SHROOM3: variants seen among roughly 807,000 people sequenced by gnomAD.
SHROOM3 encodes the protein protein Shroom3.
In SHROOM3, 47 loss-of-function variants were observed where a neutral mutation model predicts 138.6. That is an observed-to-expected ratio of 0.34 (90% CI 0.27 to 0.43). The LOEUF (loss-of-function observed/expected upper bound fraction) is 0.43, where lower values mean the gene tolerates loss of function less well. Ranked by LOEUF, SHROOM3 falls within the 20% of genes least tolerant of loss-of-function variation. The probability of loss-of-function intolerance (pLI) is 1.00; values close to 1 mark genes in which losing one functional copy is unlikely to be tolerated. For missense variants in SHROOM3, 2,491 were observed against 2,596.5 expected (o/e 0.96, Z 0.88); for synonymous variants, 1,062 against 1,063.3 (o/e 1.00, Z 0.02).
chr4:76,671,879 C>T (rs1416115633), intron 2 of SHROOM3, among the ~76,000 whole-genome samples: 1 of 151,880 alleles, frequency 6.6e-6, no homozygotes, highest in Non-Finnish European at 1.5e-5. Flanking sequence ...ATATATTTAC[C>T]AGCTGAGCAT....
In SHROOM3 at chr4:76,740,115, G is replaced by C. The variant is rs1298821811; in HGVS notation, c.1942G>C (p.Gly648Arg). The C allele has an allele frequency of 6.2e-7, 1 of 1,613,800 alleles. No individual in the cohort carries two copies. Among genetic ancestry groups the C allele is most frequent in the Non-Finnish European group, 8.5e-7 (1 of 1,180,036 alleles). The change falls in exon 5 of 11, where the codon GGC (glycine) becomes CGC (arginine). Residue 648 changes from glycine (G) to arginine (R), a missense_variant. Around this residue, in one of 4 missense-constraint regions of SHROOM3, gnomAD observed 1,733 missense variants for 1,661.6 expected, o/e 1.04. Coordinates refer to ENST00000296043, the MANE Select transcript of SHROOM3 (RefSeq NM_020859.4). The surrounding 1 kb of genome is among the most constrained non-coding windows in gnomAD (Gnocchi z 4.0). ...GAGGAGGCTGGAGAGAGAAGGCCTA[G>C]GCCAGAGCCTGTCAGGCAACTTTGG... ...LWRRLEREGLGQSLSGNFGKT... is the reference protein window; with the variant it reads ...LWRRLEREGLRQSLSGNFGKT...
At chr4:76,774,942 T>C (rs2109796677) in intron 10 of SHROOM3, among the ~76,000 whole-genome samples, 1 of 152,284 alleles carries the variant, frequency 6.6e-6, no homozygotes. Context: ...ATTTTCATTT[T>C]AATTTTCCAC....
intron 5 of SHROOM3, 144 bp downstream of exon 5, chr4:76,742,070 G>C (rs1361643537): frequency 1.8e-6 from 2 of 1,119,236 alleles, no homozygotes; most frequent in Middle Eastern, 1.9e-4. Flanking sequence ...TTGTTTTCAT[G>C]AGTTGAGTTT....
chr4:76,713,370 A>G (rs1275438451), intron 3 of SHROOM3, among the ~76,000 whole-genome samples: 1 of 152,056 alleles, frequency 6.6e-6, no homozygotes, highest in Non-Finnish European at 1.5e-5. Context: ...TTAAAAACTG[A>G]GACACAAACA....
intron 10 of SHROOM3, among the ~76,000 whole-genome samples, chr4:76,772,072 T>A (rs918110151): frequency 6.6e-6 from 1 of 151,954 alleles, no homozygotes; most frequent in African/African-American, 2.4e-5. Flanking sequence ...GGGCTCCTTT[T>A]CTTGCCTATG....
intron 2 of SHROOM3, among the ~76,000 whole-genome samples, chr4:76,566,238 T>G (rs1285708703): frequency 1.3e-5 from 2 of 152,030 alleles, no homozygotes. Context: ...ATTTACATTA[T>G]ATTAGGTAGG....
At chr4:76,527,895 C>A (rs554689361) in intron 1 of SHROOM3, among the ~76,000 whole-genome samples, 1 of 152,280 alleles carries the variant, frequency 6.6e-6, no homozygotes, top group South Asian at 2.1e-4. Flanking sequence ...CTTTCCTGAA[C>A]CAATCCCCAC....
At chr4:76,680,214 C>G (rs1041267695) in intron 2 of SHROOM3, among the ~76,000 whole-genome samples, 4 of 150,584 alleles carry the variant, frequency 2.7e-5, no homozygotes, top group African/African-American at 9.8e-5. Flanking sequence ...AATCTCTTCT[C>G]ACTGCAAGCT....
chr4:76,521,676 C>T lies in SHROOM3; in HGVS notation c.169-33933C>T, dbSNP rs369959742. Reference sequence around the variant, plus strand: ...GATGCCCATGATTAATAAAAGGTGACGTAGGTGATTAATCAGAAGTTGTAC... The same window carrying T: ...GATGCCCATGATTAATAAAAGGTGATGTAGGTGATTAATCAGAAGTTGTAC... On this transcript the variant is annotated intron_variant, in intron 1 of 10. Transcript: ENST00000296043. Among the ~76,000 whole-genome samples, 25 of 152,244 alleles carry T rather than the reference C, an allele frequency of 1.6e-4. 1 individual carries two copies. The highest frequency in any genetic ancestry group is 5.3e-4 in the African/African-American group (22 of 41,534).
chr4:76,448,253 A>C (rs1406805704), intron 1 of SHROOM3, among the ~76,000 whole-genome samples: 1 of 152,182 alleles, frequency 6.6e-6, no homozygotes, highest in African/African-American at 2.4e-5. Context: ...ATATTTAGTC[A>C]ACACATCATT....
intron 1 of SHROOM3, among the ~76,000 whole-genome samples, chr4:76,470,891 T>A (rs1731355691): frequency 6.6e-6 from 1 of 152,176 alleles, no homozygotes; most frequent in Non-Finnish European, 1.5e-5. Context: ...TACCCTGTGA[T>A]CAGGTGACAG....
rs1328614113 is a variant in SHROOM3 at position 76,713,680 on chromosome 4, A to G, written c.455+3393A>G. Among the ~76,000 whole-genome samples, 4 of 152,254 alleles carry G rather than the reference A, an allele frequency of 2.6e-5. 1 individual carries two copies. The South Asian group carries it at 6.2e-4, about 24-fold the overall frequency. On this transcript the variant is annotated intron_variant, in intron 3 of 10. Coordinates refer to ENST00000296043, the MANE Select transcript of SHROOM3 (RefSeq NM_020859.4). ...TTATGTACTGTACATGATTGTATGT[A>G]CTGTACTTTTAGAGGACTGGCAAGT...
At chr4:76,770,527 T>C in intron 9 of SHROOM3, 99 bp from the exon 10 acceptor site, 1 of 1,426,516 alleles carries the variant, frequency 7.0e-7, no homozygotes, top group Non-Finnish European at 9.7e-7. Context: ...GATATTCAGC[T>C]GAGCCTTGAA....
chr4:76,439,583 G>A (rs2109962734), intron 1 of SHROOM3, among the ~76,000 whole-genome samples: 3 of 152,130 alleles, frequency 2.0e-5, no homozygotes. Flanking sequence ...CTAAGACAAT[G>A]AAAGAAAATG....
rs371817475 is a variant in SHROOM3 at position 76,550,635 on chromosome 4, G to A, written c.169-4974G>A. On this transcript the variant is annotated intron_variant, in intron 1 of 10. Transcript: ENST00000296043. ...GCACAAATCCCTGAGAGACAGTATG[G>A]AGAGATGTGAGAATCAAAACATGAA... Among the ~76,000 whole-genome samples, 18 of 152,248 alleles carry A rather than the reference G, an allele frequency of 1.2e-4. 1 individual carries two copies. The highest frequency in any genetic ancestry group is 3.6e-4 in the African/African-American group (15 of 41,552).
intron 2 of SHROOM3, among the ~76,000 whole-genome samples, chr4:76,558,293 C>A (rs1267852229): frequency 6.6e-6 from 1 of 152,138 alleles, no homozygotes; most frequent in African/African-American, 2.4e-5. Context: ...AATTGTGTGA[C>A]TTTGGGCTCT....
chr4:76,729,975 C>G (rs1380988090), intron 3 of SHROOM3, among the ~76,000 whole-genome samples: 4 of 152,208 alleles, frequency 2.6e-5, no homozygotes, highest in Non-Finnish European at 5.9e-5. Flanking sequence ...CCCCTACAGT[C>G]TTACAGTTCA....
intron 2 of SHROOM3, among the ~76,000 whole-genome samples, chr4:76,560,972 AAAC>A (rs1446467161): frequency 6.6e-6 from 1 of 152,244 alleles, no homozygotes; most frequent in African/African-American, 2.4e-5. Context: ...AATCTACTGA[AAAC>A]AAGTTGCATA....
At chr4:76,564,807 G>C (rs1733665883) in intron 2 of SHROOM3, among the ~76,000 whole-genome samples, 1 of 152,102 alleles carries the variant, frequency 6.6e-6, no homozygotes, top group Admixed American at 6.6e-5. Context: ...TCAGACAAAT[G>C]TATTCCAGAC....
Sources: gnomAD v4.1 joint callset for allele counts (sites outside exome capture counted in the v4.1 genomes callset) on GRCh38, gnomAD v4.1.1 for gene constraint, gnomAD v4.1.1 regional missense constraint, Gnocchi (gnomAD v3.1) non-coding constraint, MANE v1.5 for transcripts, NCBI Gene and HGNC (gene_info 2026-07-23, HGNC 2026-07-21) for gene names.